The following ITPR2 variants were observed in gnomAD, a reference collection of about 807,000 sequenced individuals.
ITPR2 encodes inositol 1,4,5-trisphosphate receptor type 2.
In ITPR2, 207 loss-of-function variants were observed where a neutral mutation model predicts 317.1. That is an observed-to-expected ratio of 0.65 (90% CI 0.58 to 0.73). The LOEUF is 0.73. ITPR2 is among the 30% of genes least tolerant of loss of function. The probability of loss-of-function intolerance (pLI) is 0.00; values close to 1 mark genes in which losing one functional copy is unlikely to be tolerated. For synonymous variants in ITPR2, 1,156 were observed against 1,149.1 expected (o/e 1.01, Z -0.12); for missense variants, 2,613 against 3,284.0 (o/e 0.80, Z 4.99).
intron 52 of ITPR2, 40 bp downstream of exon 52, chr12:26,411,280 G>T: frequency 7.5e-7 from 1 of 1,328,032 alleles, no homozygotes; most frequent in Non-Finnish European, 1.1e-6. Flanking sequence ...AAACTTCAAA[G>T]ATATCAAGTT....
At chr12:26,420,965 A>G (rs1169403217) in intron 49 of ITPR2, among the ~76,000 whole-genome samples, 2 of 152,142 alleles carry the variant, frequency 1.3e-5, no homozygotes, top group African/African-American at 2.4e-5. Flanking sequence ...TGAATTAGAA[A>G]TAAGTTGTAT....
At chr12:26,656,628 G>T in intron 18 of ITPR2, 80 bp from the exon 19 acceptor site, 1 of 1,403,460 alleles carries the variant, frequency 7.1e-7, no homozygotes, top group Non-Finnish European at 9.9e-7. Context: ...CAGTATCTAT[G>T]TTTAAGACAC....
At chr12:26,596,760 C>A in intron 31 of ITPR2, 123 bp downstream of exon 31, 2 of 673,774 alleles carry the variant, frequency 3.0e-6, no homozygotes, top group Non-Finnish European at 2.2e-6. Flanking sequence ...TAGTTAAATA[C>A]AATTCCCTGA....
chr12:26,368,573 C>T (rs2136593530), intron 55 of ITPR2, among the ~76,000 whole-genome samples: 1 of 152,310 alleles, frequency 6.6e-6, no homozygotes, highest in East Asian at 1.9e-4. Flanking sequence ...AATGGCCAAG[C>T]TGGCATGTGA....
intron 15 of ITPR2, among the ~76,000 whole-genome samples, chr12:26,660,393 C>T (rs116279409): frequency 1.4e-4 from 22 of 152,322 alleles, no homozygotes; most frequent in African/African-American, 5.1e-4. Context: ...TATCTACAAG[C>T]AGCACATCTC....
At chr12:26,717,918 G>A (rs978381754) in intron 5 of ITPR2, among the ~76,000 whole-genome samples, 2 of 152,098 alleles carry the variant, frequency 1.3e-5, no homozygotes, top group East Asian at 1.9e-4. Context: ...AGGAAAACAC[G>A]TGCTGTTGCA....
intron 21 of ITPR2, among the ~76,000 whole-genome samples, chr12:26,653,103 T>A (rs144953523): frequency 2.6e-4 from 40 of 152,206 alleles, no homozygotes; most frequent in Non-Finnish European, 4.9e-4. Flanking sequence ...TTATAAATGG[T>A]CAAGGCAGGA....
chr12:26,605,477 T>C (rs1591953795), intron 26 of ITPR2, among the ~76,000 whole-genome samples: 2 of 152,130 alleles, frequency 1.3e-5, no homozygotes, highest in South Asian at 4.1e-4. Context: ...CATTACCAGC[T>C]CTAAAGATTG....
chr12:26,736,188 A>C (rs1224300028), intron 2 of ITPR2, among the ~76,000 whole-genome samples: 1 of 152,136 alleles, frequency 6.6e-6, no homozygotes. Context: ...ACACCTGAGA[A>C]GGGAATACCC....
At chr12:26,780,752 C>T (rs1045578818) in intron 2 of ITPR2, among the ~76,000 whole-genome samples, 17 of 152,300 alleles carry the variant, frequency 1.1e-4, no homozygotes, top group African/African-American at 3.9e-4. Context: ...GGAAGTGGCA[C>T]CACTCACCAT....
In ITPR2 at chr12:26,654,154, G is replaced by T. The variant is rs767075727; in HGVS notation, c.2590-28C>A. The stretch of plus-strand genomic sequence containing the variant: ...TAATAAAAAAAAAAAAGCGGGGAGG[G>T]GGAGGGTGAAAGAGTGGAAAAAAAA... On this transcript the variant is annotated intron_variant, in intron 20 of 56. Transcript: ENST00000381340. The T allele has an allele frequency of 5.3e-6, 8 of 1,522,224 alleles. No homozygotes were observed. The East Asian group carries it at 1.5e-4, about 28-fold the overall frequency. The allele number at this position is 1,522,224 out of a possible 1,614,324, so 94.3% of individuals were successfully genotyped here. A position where few individuals can be genotyped will look rare whatever the true frequency, so the allele number is the denominator to read the frequency against.
At chr12:26,804,717 CTCT>C (rs571445292) in intron 1 of ITPR2, among the ~76,000 whole-genome samples, 1 of 151,738 alleles carries the variant, frequency 6.6e-6, no homozygotes, top group Non-Finnish European at 1.5e-5. Context: ...ATAAAACAGA[CTCT>C]TATTTATTTT....
intron 13 of ITPR2, among the ~76,000 whole-genome samples, chr12:26,666,870 T>C (rs1424099879): frequency 6.6e-6 from 1 of 152,206 alleles, no homozygotes; most frequent in African/African-American, 2.4e-5. Flanking sequence ...TTTATCATTT[T>C]CCATTTGTGT....
intron 37 of ITPR2, among the ~76,000 whole-genome samples, chr12:26,549,480 A>G (rs1032260348): frequency 3.3e-5 from 5 of 152,194 alleles, no homozygotes; most frequent in African/African-American, 1.2e-4. Flanking sequence ...CAGTTTTAAA[A>G]TATCAGATGA....
intron 34 of ITPR2, 92 bp downstream of exon 34, chr12:26,578,621 G>T (rs1188569243): frequency 2.6e-6 from 3 of 1,154,548 alleles, no homozygotes; most frequent in Non-Finnish European, 3.7e-6. Flanking sequence ...TTCTTAAGTT[G>T]TAAATTGGGA....
chr12:26,549,263 A>C (rs901562199), intron 37 of ITPR2, among the ~76,000 whole-genome samples: 7 of 152,214 alleles, frequency 4.6e-5, no homozygotes, highest in Non-Finnish European at 8.8e-5. Context: ...AATTTAAGTG[A>C]TGCAGAGAAC....
chr12:26,411,314 A>G lies in ITPR2; in HGVS notation c.7399+6T>C. 1 of 1,606,164 alleles carries G rather than the reference A, an allele frequency of 6.2e-7. No homozygotes were observed. The highest frequency in any genetic ancestry group is 1.1e-5 in the South Asian group (1 of 90,904). ...TTCATACTGACCCAGAGTCCTTTCT[A>G]CAAACCTGTATTTGAAGCTGGAATT... On this transcript the variant is annotated splice_donor_region_variant and intron_variant, in intron 52 of 56. Transcript: ENST00000381340.
rs376372659 is a variant in ITPR2 at position 26,722,373 on chromosome 12, C to T, written c.525+24G>A. On this transcript the variant is annotated intron_variant, in intron 5 of 56. Transcript: ENST00000381340. ...CATTTTCTTTATGAACCCACTATTT[C>T]CCTCTTAATTGTATATTACATACAT... The T allele has an allele frequency of 5.7e-6, 9 of 1,566,458 alleles. No homozygotes were observed. The African/African-American group carries it at 1.2e-4, about 21-fold the overall frequency.
At chr12:26,760,976 C>T (rs1368244452) in intron 2 of ITPR2, among the ~76,000 whole-genome samples, 1 of 151,912 alleles carries the variant, frequency 6.6e-6, no homozygotes, top group Non-Finnish European at 1.5e-5. Context: ...TTCAGGAACA[C>T]CCCTGTGGAC....
Sources: gnomAD v4.1 joint callset for allele counts (sites outside exome capture counted in the v4.1 genomes callset) on GRCh38, gnomAD v4.1.1 for gene constraint, MANE v1.5 for transcripts, NCBI Gene and HGNC (gene_info 2026-07-23, HGNC 2026-07-21) for gene names.